ZMYND11: variants seen among roughly 807,000 people sequenced by gnomAD.
ZMYND11 encodes zinc finger MYND-type containing 11, also known as zinc finger MYND domain-containing protein 11.
A neutral mutation model predicts 84.9 loss-of-function variants in ZMYND11; 9 were observed. That is an observed-to-expected ratio of 0.11 (90% CI 0.06 to 0.18). The LOEUF (loss-of-function observed/expected upper bound fraction) is 0.18. ZMYND11 is among the 10% of genes least tolerant of loss of function. The probability of loss-of-function intolerance (pLI) is 1.00; values close to 1 mark genes in which losing one functional copy is unlikely to be tolerated. For missense variants in ZMYND11, 409 were observed against 761.0 expected, an observed-to-expected ratio of 0.54 and a Z score of 5.44; for synonymous variants, 250 against 244.1, an observed-to-expected ratio of 1.02 and a Z score of -0.23.
chr10:236,819 ATTCT>A lies in ZMYND11; in HGVS notation c.439-16_439-13del. ...ATGATCAGATTTTGTACCTTTTTTT[ATTCT>A]TTTTTTTTCAATAGAGCATTAAGAA... is the stretch of plus-strand genomic sequence containing the variant. On this transcript the variant is annotated splice_polypyrimidine_tract_variant and intron_variant, in intron 4 of 14. Coordinates refer to ENST00000381604, the MANE Select transcript of ZMYND11 (RefSeq NM_001370100.5). 6.3e-7 allele frequency: 1 copy of A among 1,596,572 alleles called. No homozygotes were observed. Among genetic ancestry groups the A allele is most frequent in the South Asian group, 1.1e-5 (1 of 89,286 alleles).
chr10:210,469 G>T (rs1945004696), intron 3 of ZMYND11, among the ~76,000 whole-genome samples: 1 of 152,206 alleles, frequency 6.6e-6, no homozygotes, highest in South Asian at 2.1e-4. Context: ...ACAGCCCAAA[G>T]GCAGGCTTCA....
Position 224,661 on chromosome 10 carries a change from A to G in ZMYND11, c.438+3305A>G, listed in dbSNP as rs187883486. Among the ~76,000 whole-genome samples, 29 of 152,242 alleles carry G rather than the reference A, an allele frequency of 1.9e-4. 1 individual carries two copies. Among genetic ancestry groups the G allele is most frequent in the Admixed American group, 2.0e-4 (3 of 15,286 alleles). On this transcript the variant is annotated intron_variant, in intron 4 of 14. Coordinates refer to ENST00000381604, the MANE Select transcript of ZMYND11 (RefSeq NM_001370100.5). Reference sequence around the variant, plus strand: ...TTGGTGTGTGTGTCATTTTGTTTGTATCTGTATCCACATGACTTTACATTA... The same window carrying G: ...TTGGTGTGTGTGTCATTTTGTTTGTGTCTGTATCCACATGACTTTACATTA...
At chr10:169,765 A>G (rs4582897) in intron 1 of ZMYND11, among the ~76,000 whole-genome samples, 139,039 of 152,074 alleles carry the variant, frequency 0.91, 64,092 homozygotes, top group Non-Finnish European at 0.97. Context: ...AAGTCTGGGG[A>G]AAAAACCAAT....
chr10:199,305 CTCT>C (rs1472021954), intron 2 of ZMYND11, among the ~76,000 whole-genome samples: 2 of 25,848 alleles, frequency 7.7e-5, no homozygotes, highest in Non-Finnish European at 2.6e-4. Context: ...CTCCCTCCCT[CTCT>C]TCCTCCCTCC....
intron 1 of ZMYND11, among the ~76,000 whole-genome samples, chr10:174,554 A>G (rs1488984602): frequency 6.6e-6 from 1 of 152,030 alleles, no homozygotes; most frequent in Non-Finnish European, 1.5e-5. Flanking sequence ...GTCAAAACCC[A>G]TGGGCATTAC....
intron 2 of ZMYND11, among the ~76,000 whole-genome samples, chr10:200,205 G>GGTGTGTGT (rs71374347): frequency 0.092 from 12,159 of 132,342 alleles, 686 homozygotes; most frequent in African/African-American, 0.14. Context: ...GCCTGGCTAG[G>GGTGTGTGT]GTGTGTGTGT....
At chr10:231,839 TG>T in intron 4 of ZMYND11, among the ~76,000 whole-genome samples, 1 of 152,242 alleles carries the variant, frequency 6.6e-6, no homozygotes, top group Non-Finnish European at 1.5e-5. Flanking sequence ...TCTACAACCC[TG>T]CTTCAGACAT....
chr10:228,618 A>G (rs940212347), intron 4 of ZMYND11, among the ~76,000 whole-genome samples: 1 of 152,240 alleles, frequency 6.6e-6, no homozygotes, highest in African/African-American at 2.4e-5. Context: ...AGTCATATTC[A>G]TGCCTCGACC....
chr10:192,518 A>G (rs936737442), intron 2 of ZMYND11, among the ~76,000 whole-genome samples: 4 of 152,174 alleles, frequency 2.6e-5, no homozygotes, highest in Non-Finnish European at 5.9e-5. Flanking sequence ...ATAAATTACT[A>G]TGACTTGCCC....
chr10:156,409 CACTT>C (rs1253294532), intron 1 of ZMYND11, among the ~76,000 whole-genome samples: 2 of 152,136 alleles, frequency 1.3e-5, no homozygotes, highest in Non-Finnish European at 2.9e-5. Flanking sequence ...ATGCTTAAAT[CACTT>C]ACTTGGAAAA....
intron 2 of ZMYND11, among the ~76,000 whole-genome samples, chr10:209,092 AGT>A (rs1276757016): frequency 2.0e-5 from 3 of 152,056 alleles, no homozygotes; most frequent in East Asian, 3.9e-4. Context: ...TTTGGAGGAG[AGT>A]GGAAAATGGC....
At chr10:175,039 C>T (rs146173032) in intron 1 of ZMYND11, among the ~76,000 whole-genome samples, 73 of 152,154 alleles carry the variant, frequency 4.8e-4, no homozygotes, top group African/African-American at 1.5e-3. Flanking sequence ...GTCATTCATA[C>T]GTTGGTCAGA....
intron 7 of ZMYND11, among the ~76,000 whole-genome samples, 185 bp downstream of exon 7, chr10:239,710 C>T (rs1166875232): frequency 6.6e-6 from 1 of 152,136 alleles, no homozygotes; most frequent in Non-Finnish European, 1.5e-5. Context: ...AAAACAAAAT[C>T]ATAGTATACT....
At chr10:223,678 T>A (rs1947559821) in intron 4 of ZMYND11, among the ~76,000 whole-genome samples, 1 of 152,214 alleles carries the variant, frequency 6.6e-6, no homozygotes, top group South Asian at 2.1e-4. Context: ...TCTATTGTTT[T>A]ATGGTATTCA....
chr10:157,238 C>T lies in ZMYND11; in HGVS notation c.-20+21679C>T, dbSNP rs1448018879. 8.5e-5 allele frequency among the ~76,000 whole-genome samples: 13 copies of T among 152,102 alleles called. 1 individual carries two copies. The highest frequency in any genetic ancestry group is 1.2e-4 in the Non-Finnish European group (8 of 68,002). ...TTTTGGAGACAGAGTCTCGCTCTGTCGCCCAGGCTGGAATGCAGTGGTGCA... is the reference window on the plus strand; with the variant it reads ...TTTTGGAGACAGAGTCTCGCTCTGTTGCCCAGGCTGGAATGCAGTGGTGCA... On this transcript the variant is annotated intron_variant, in intron 1 of 14. Coordinates refer to ENST00000381604, the MANE Select transcript of ZMYND11 (RefSeq NM_001370100.5).
At chr10:141,684 A>G (rs1837529489) in intron 1 of ZMYND11, among the ~76,000 whole-genome samples, 1 of 152,230 alleles carries the variant, frequency 6.6e-6, no homozygotes, top group Admixed American at 6.5e-5. Flanking sequence ...TTAAATATCA[A>G]ACATATATTG....
At chr10:197,356 T>A (rs967879309) in intron 2 of ZMYND11, among the ~76,000 whole-genome samples, 2 of 152,230 alleles carry the variant, frequency 1.3e-5, no homozygotes, top group Non-Finnish European at 2.9e-5. Flanking sequence ...CTCTTTTTTT[T>A]CAAAAATATT....
intron 9 of ZMYND11, 42 bp from the exon 10 acceptor site, chr10:241,979 A>G (rs772467442): frequency 6.3e-7 from 1 of 1,599,828 alleles, no homozygotes; most frequent in South Asian, 1.1e-5. Context: ...TGCATTTAAT[A>G]CTTTAAAAGT....
upstream of ZMYND11, among the ~76,000 whole-genome samples, chr10:133,331 G>A (rs782738806): frequency 6.6e-6 from 1 of 152,078 alleles, no homozygotes; most frequent in African/African-American, 2.4e-5. Context: ...CATGGCTTTT[G>A]CGTTTTATGT....
Sources: gnomAD v4.1 joint callset for allele counts (sites outside exome capture counted in the v4.1 genomes callset) on GRCh38, gnomAD v4.1.1 for gene constraint, MANE v1.5 for transcripts, NCBI Gene and HGNC (gene_info 2026-07-23, HGNC 2026-07-21) for gene names.